Variants in DLG2 observed in about 807,000 individuals in gnomAD.
The protein encoded by DLG2 is disks large homolog 2.
A neutral mutation model predicts 132.5 loss-of-function variants in DLG2; 45 were observed. The observed-to-expected ratio is 0.34, with a 90% CI of 0.27 to 0.44. DLG2 has a LOEUF of 0.44. Ranked by LOEUF, DLG2 falls within the 20% of genes least tolerant of loss-of-function variation. DLG2 has a pLI of 1.00. For missense variants in DLG2, 1,045 were observed against 1,196.9 expected (o/e 0.87, Z 1.87); for synonymous variants, 424 against 419.6 (o/e 1.01, Z -0.13).
At chr11:83,481,355 C>G (rs923766306) in intron 22 of DLG2, among the ~76,000 whole-genome samples, 1 of 151,870 alleles carries the variant, frequency 6.6e-6, no homozygotes, top group Non-Finnish European at 1.5e-5. Context: ...AGTCTATGAA[C>G]TTATTTGTAT....
intron 6 of DLG2, among the ~76,000 whole-genome samples, chr11:84,729,912 T>C (rs1294777424): frequency 2.0e-5 from 3 of 152,024 alleles, no homozygotes; most frequent in African/African-American, 7.2e-5. Flanking sequence ...AATGCCAGCC[T>C]ATTCGTTCTG....
intron 3 of DLG2, chr11:85,469,749 T>C (rs966224780): frequency 2.6e-5 from 4 of 152,238 alleles, no homozygotes; most frequent in Non-Finnish European, 4.4e-5. Flanking sequence ...CCTTAAGTAT[T>C]TGGTTTTCCA....
chr11:83,947,577 C>T (rs963947351), intron 14 of DLG2, among the ~76,000 whole-genome samples: 2 of 152,262 alleles, frequency 1.3e-5, no homozygotes, highest in South Asian at 2.1e-4. Context: ...ACTATGGTTT[C>T]CTGGACTAAA....
chr11:84,282,261 T>A (rs184820607), intron 7 of DLG2, among the ~76,000 whole-genome samples: 1 of 152,274 alleles, frequency 6.6e-6, no homozygotes, highest in Non-Finnish European at 1.5e-5. Context: ...AAACAAAAAG[T>A]ACATACTATA....
intron 6 of DLG2, among the ~76,000 whole-genome samples, chr11:84,713,999 T>TA (rs1325435260): frequency 6.6e-6 from 1 of 152,074 alleles, no homozygotes; most frequent in Non-Finnish European, 1.5e-5. Context: ...ACTACACTTT[T>TA]AAAATAAGTC....
chr11:85,497,062 T>C (rs1347752537), intron 3 of DLG2, among the ~76,000 whole-genome samples: 2 of 151,296 alleles, frequency 1.3e-5, no homozygotes, highest in African/African-American at 2.4e-5. Context: ...GGGAACAAAA[T>C]GAGATGGAGA....
At chr11:84,779,466 G>A (rs1171208065) in intron 6 of DLG2, among the ~76,000 whole-genome samples, 2 of 151,928 alleles carry the variant, frequency 1.3e-5, no homozygotes, top group Non-Finnish European at 2.9e-5. Context: ...TTTTTGTGGA[G>A]TCATTAGTTT....
chr11:83,839,592 A>C (rs2057092211), intron 16 of DLG2, among the ~76,000 whole-genome samples: 1 of 152,180 alleles, frequency 6.6e-6, no homozygotes, highest in South Asian at 2.1e-4. Flanking sequence ...TGTTTCATCC[A>C]TTTGATGGAG....
At chr11:85,538,469 A>C (rs1443573997) in intron 3 of DLG2, among the ~76,000 whole-genome samples, 2 of 151,878 alleles carry the variant, frequency 1.3e-5, no homozygotes, top group African/African-American at 4.9e-5. Flanking sequence ...ATACCATTTG[A>C]CCCAGCAATT....
chr11:83,537,012 G>C (rs968037761), intron 20 of DLG2, among the ~76,000 whole-genome samples: 1 of 152,166 alleles, frequency 6.6e-6, no homozygotes, highest in Admixed American at 6.5e-5. Flanking sequence ...TGAAGAGACA[G>C]ACCAAATCTC....
intron 6 of DLG2, among the ~76,000 whole-genome samples, chr11:84,611,342 G>A (rs75475033): frequency 0.022 from 3,335 of 152,140 alleles, 144 homozygotes; most frequent in African/African-American, 0.076. Context: ...TAGAGAAAAC[G>A]CCATTTACTA....
intron 3 of DLG2, among the ~76,000 whole-genome samples, chr11:85,597,532 AT>A (rs1400509064): frequency 2.6e-5 from 4 of 151,950 alleles, no homozygotes; most frequent in Non-Finnish European, 5.9e-5. Context: ...CCACAATAAA[AT>A]ATTTTTTAAA....
chr11:84,896,571 C>T (rs1323383164), intron 6 of DLG2, among the ~76,000 whole-genome samples: 2 of 152,054 alleles, frequency 1.3e-5, no homozygotes, highest in East Asian at 3.9e-4. Context: ...TCACCATATG[C>T]CAGACTGTCA....
chr11:85,138,624 C>T (rs988561669), intron 5 of DLG2, among the ~76,000 whole-genome samples: 4 of 152,206 alleles, frequency 2.6e-5, no homozygotes, highest in East Asian at 1.9e-4. Flanking sequence ...GAGGGACCCA[C>T]GGGAAGTAAT....
At chr11:83,497,567 AAAACCC>A (rs1565481086) in intron 21 of DLG2, among the ~76,000 whole-genome samples, 2 of 152,022 alleles carry the variant, frequency 1.3e-5, no homozygotes, top group African/African-American at 4.8e-5. Flanking sequence ...AAAACAAAAC[AAAACCC>A]ACATAGTTTC....
intron 6 of DLG2, among the ~76,000 whole-genome samples, chr11:84,681,174 C>T (rs2099728781): frequency 6.6e-6 from 1 of 152,170 alleles, no homozygotes; most frequent in African/African-American, 2.4e-5. Flanking sequence ...ATTCAATAAT[C>T]ATATAGGAAA....
intron 7 of DLG2, among the ~76,000 whole-genome samples, chr11:84,409,778 C>T (rs532096645): frequency 3.9e-5 from 6 of 152,186 alleles, no homozygotes; most frequent in South Asian, 2.1e-4. Flanking sequence ...AGTTTTAGTG[C>T]AATTATCTAT....
intron 7 of DLG2, among the ~76,000 whole-genome samples, chr11:84,309,254 C>T (rs922233580): frequency 6.6e-6 from 1 of 152,230 alleles, no homozygotes; most frequent in African/African-American, 2.4e-5. Flanking sequence ...CTCTCTCCGT[C>T]TGTCCTTGGG....
chr11:84,863,208 C>A (rs1429920687), intron 6 of DLG2, among the ~76,000 whole-genome samples: 2 of 152,034 alleles, frequency 1.3e-5, no homozygotes, highest in African/African-American at 4.8e-5. Flanking sequence ...GTTTTAAAAG[C>A]CTGCAGTCTA....
Sources: gnomAD v4.1 joint callset for allele counts (sites outside exome capture counted in the v4.1 genomes callset) on GRCh38, gnomAD v4.1.1 for gene constraint, MANE v1.5 for transcripts, NCBI Gene and HGNC (gene_info 2026-07-23, HGNC 2026-07-21) for gene names.